GNAL: variants seen among roughly 807,000 people sequenced by gnomAD.
The protein encoded by GNAL is guanine nucleotide-binding protein G(olf) subunit alpha.
GNAL carries 18 observed loss-of-function variants against 55.1 expected under a neutral mutation model. The observed-to-expected ratio is 0.33, with a 90% CI of 0.23 to 0.48. The LOEUF (loss-of-function observed/expected upper bound fraction) is 0.48. GNAL is among the 20% of genes least tolerant of loss of function. The pLI is 0.99. For synonymous variants in GNAL, 253 were observed against 237.0 expected, an observed-to-expected ratio of 1.07 and a Z score of -0.62; for missense variants, 412 against 614.1, an observed-to-expected ratio of 0.67 and a Z score of 3.48.
intron 4 of GNAL, among the ~76,000 whole-genome samples, chr18:11,776,681 C>G (rs923826347): frequency 6.9e-6 from 1 of 145,896 alleles, no homozygotes; most frequent in African/African-American, 2.6e-5. Flanking sequence ...GCACTCCAGC[C>G]TGGGCAACAG....
chr18:11,802,029 C>G (rs2034534489), intron 4 of GNAL, among the ~76,000 whole-genome samples: 1 of 152,094 alleles, frequency 6.6e-6, no homozygotes, highest in African/African-American at 2.4e-5. Flanking sequence ...ACAGTTTTAA[C>G]TTTTTCAAAT....
rs1465472675 is a variant in GNAL, at chr18:11,868,837, C to G, written c.1031+174C>G. ...ACTAGCCTGGGCAACATGGAGAAAC[C>G]CTGTCTCTACAAAAAATACAAAAAT... is the stretch of plus-strand genomic sequence containing the variant. On this transcript the variant is annotated intron_variant, in intron 9 of 11. Coordinates refer to ENST00000334049, the MANE Select transcript of GNAL (RefSeq NM_182978.4). This position sits in a 1 kb window ranked among gnomAD's most constrained non-coding sequence, Gnocchi z 4.0. Among the ~76,000 whole-genome samples the G allele has an allele frequency of 1.3e-5, 2 of 152,036 alleles. No homozygotes were observed. The highest frequency in any genetic ancestry group is 1.3e-4 in the Admixed American group (2 of 15,264).
chr18:11,876,886 G>C lies in GNAL; in HGVS notation c.1230+198G>C, dbSNP rs570085630. On this transcript the variant is annotated intron_variant, in intron 11 of 11. Coordinates refer to ENST00000334049, the MANE Select transcript of GNAL (RefSeq NM_182978.4). ...TAGATTTCTCACCCAAGGTCACACA[G>C]CTTCCAACCAGCAGAGCCTGGGTGA... Among the ~76,000 whole-genome samples, 3 of 152,296 alleles carry C rather than the reference G, an allele frequency of 2.0e-5. No homozygotes were observed. The South Asian group carries it at 6.2e-4, about 32-fold the overall frequency.
intron 4 of GNAL, among the ~76,000 whole-genome samples, chr18:11,808,018 C>CA (rs1386920961): frequency 7.3e-6 from 1 of 137,486 alleles, no homozygotes; most frequent in African/African-American, 3.2e-5. Flanking sequence ...TTGTCCAGCC[C>CA]AGCCTTCTTT....
At chr18:11,783,692 T>C (rs112048637) in intron 4 of GNAL, among the ~76,000 whole-genome samples, 16 of 152,358 alleles carry the variant, frequency 1.1e-4, no homozygotes, top group African/African-American at 3.4e-4. Context: ...CTTAATAATA[T>C]ATTTTAACGC....
chr18:11,796,977 CAG>C (rs1442587370), intron 4 of GNAL, among the ~76,000 whole-genome samples: 1 of 152,128 alleles, frequency 6.6e-6, no homozygotes, highest in Admixed American at 6.5e-5. Context: ...ATTTTTGAGA[CAG>C]GGTCTCACTG....
intron 1 of GNAL, among the ~76,000 whole-genome samples, chr18:11,717,258 C>G (rs963065646): frequency 2.0e-5 from 3 of 152,224 alleles, no homozygotes; most frequent in African/African-American, 7.2e-5. Context: ...GGCCCTGTTC[C>G]CCCGGCACCT....
At chr18:11,694,154 GC>G in intron 1 of GNAL, among the ~76,000 whole-genome samples, 1 of 152,200 alleles carries the variant, frequency 6.6e-6, no homozygotes, top group East Asian at 1.9e-4. Flanking sequence ...CCAGTCAAGT[GC>G]CCTTTATCAC....
intron 4 of GNAL, among the ~76,000 whole-genome samples, chr18:11,816,784 A>T (rs956032929): frequency 6.6e-6 from 1 of 151,014 alleles, no homozygotes; most frequent in Non-Finnish European, 1.5e-5. Flanking sequence ...ACTGCACTCC[A>T]ACCTGGGCGA....
chr18:11,709,207 A>G (rs1274790535), intron 1 of GNAL, among the ~76,000 whole-genome samples: 2 of 151,840 alleles, frequency 1.3e-5, no homozygotes, highest in African/African-American at 2.4e-5. Flanking sequence ...GTAACTGTGT[A>G]GTATGTTTTG....
intron 4 of GNAL, among the ~76,000 whole-genome samples, chr18:11,793,111 G>A (rs10401123): frequency 1.3e-5 from 2 of 151,986 alleles, no homozygotes; most frequent in Non-Finnish European, 2.9e-5. Flanking sequence ...TGATTTCTTG[G>A]ATATGACATC....
chr18:11,865,847 G>A (rs1436803602), intron 7 of GNAL, among the ~76,000 whole-genome samples: 3 of 147,444 alleles, frequency 2.0e-5, no homozygotes, highest in African/African-American at 7.9e-5. Flanking sequence ...CTACTATGCA[G>A]CCATTGATGG....
rs368198752 is a variant in GNAL, at chr18:11,852,471, T to G, written c.723-9924T>G. ...GGTTTTTATTATTATTTAGTGTGATTGATAGTATCTAGAATGGCAGGTGGT... is the reference window on the plus strand; with the variant it reads ...GGTTTTTATTATTATTTAGTGTGATGGATAGTATCTAGAATGGCAGGTGGT... On this transcript the variant is annotated intron_variant, in intron 5 of 11. Transcript: ENST00000334049. 1.4e-3 allele frequency: 329 copies of G among 234,120 alleles called. 12 individuals carry two copies. In the South Asian group the frequency reaches 0.024, roughly 17 times the overall value. The allele number at this position is 234,120 out of a possible 1,614,324, so 14.5% of individuals were successfully genotyped here. A position where few individuals can be genotyped will look rare whatever the true frequency, so the allele number is the denominator to read the frequency against.
intron 4 of GNAL, among the ~76,000 whole-genome samples, chr18:11,787,408 G>A (rs934917164): frequency 5.3e-5 from 8 of 152,138 alleles, no homozygotes; most frequent in African/African-American, 1.4e-4. Flanking sequence ...AGTGAGGTGG[G>A]CCGAAACAGT....
Position 11,885,495 on chromosome 18 carries a change from T to G in GNAL, c.*4360T>G, listed in dbSNP as rs2037070189. The G allele has an allele frequency of 1.4e-6, 1 of 690,682 alleles. No homozygotes were observed. The highest frequency in any genetic ancestry group is 2.0e-5 in the South Asian group (1 of 50,488). 42.8% of individuals were successfully genotyped at this position (690,682 alleles called of 1,614,324 possible). On this transcript the variant is annotated 3_prime_UTR_variant, in exon 12 of 12. Transcript: ENST00000334049. ...TCACATTAACTGCCCAGGAATGTCA[T>G]GCTGATTGGTTCCCGGAAGGGTGTT...
chr18:11,730,170 T>C (rs1462573003), intron 1 of GNAL, among the ~76,000 whole-genome samples: 1 of 151,346 alleles, frequency 6.6e-6, no homozygotes, highest in Non-Finnish European at 1.5e-5. Context: ...CTTTTTTTTT[T>C]TTTTTTTGAG....
chr18:11,854,764 A>G (rs1168162516), intron 5 of GNAL, among the ~76,000 whole-genome samples: 1 of 152,146 alleles, frequency 6.6e-6, no homozygotes, highest in African/African-American at 2.4e-5. Context: ...CTGCGCAACA[A>G]GGATGAAACT....
At chr18:11,857,053 G>T (rs1304375687) in intron 5 of GNAL, 1 of 152,052 alleles carries the variant, frequency 6.6e-6, no homozygotes, top group Non-Finnish European at 1.5e-5. Context: ...ACATGCTTCT[G>T]CCCTTAAATG....
intron 4 of GNAL, among the ~76,000 whole-genome samples, chr18:11,818,654 G>A (rs756021834): frequency 2.0e-5 from 3 of 152,310 alleles, no homozygotes; most frequent in Non-Finnish European, 2.9e-5. Context: ...TTGTGGAACC[G>A]CAGTGAAGTT....
Sources: gnomAD v4.1 joint callset for allele counts (sites outside exome capture counted in the v4.1 genomes callset) on GRCh38, gnomAD v4.1.1 for gene constraint, Gnocchi (gnomAD v3.1) non-coding constraint, MANE v1.5 for transcripts, NCBI Gene and HGNC (gene_info 2026-07-23, HGNC 2026-07-21) for gene names.